Variants in NKAIN3 observed in about 807,000 individuals in gnomAD.
NKAIN3 encodes the protein sodium/potassium transporting ATPase interacting 3, also known as sodium/potassium-transporting ATPase subunit beta-1-interacting protein 3.
NKAIN3 carries 25 observed loss-of-function variants against 30.2 expected under a neutral mutation model. That is an observed-to-expected ratio of 0.83 (90% confidence interval 0.60 to 1.16). The LOEUF (loss-of-function observed/expected upper bound fraction) is 1.16, where lower values mean the gene tolerates loss of function less well. NKAIN3 is among the 50% of genes most tolerant of loss of function. The pLI, the probability that NKAIN3 is intolerant of heterozygous loss-of-function variation, is 0.00. For synonymous variants in NKAIN3, 91 were observed against 89.6 expected (o/e 1.02, Z -0.09); for missense variants, 225 against 254.1 (o/e 0.89, Z 0.78).
chr8:62,905,708 G>A (rs1038911197), intron 4 of NKAIN3, among the ~76,000 whole-genome samples: 9 of 152,062 alleles, frequency 5.9e-5, no homozygotes, highest in Non-Finnish European at 1.2e-4. Flanking sequence ...TAACCAATCA[G>A]AGACCTTTAA....
intron 4 of NKAIN3, among the ~76,000 whole-genome samples, chr8:62,766,290 T>C (rs1816836985): frequency 6.6e-6 from 1 of 152,206 alleles, no homozygotes; most frequent in African/African-American, 2.4e-5. Flanking sequence ...AATGTTATTA[T>C]TAGCTCCATT....
intron 1 of NKAIN3, chr8:62,482,748 G>A (rs16929006): frequency 0.053 from 8,077 of 152,210 alleles, 372 homozygotes; most frequent in East Asian, 0.12. Context: ...TGCAGGGGCC[G>A]GCCGTGCTAG....
At chr8:62,327,216 AC>A (rs1335876454) in intron 1 of NKAIN3, among the ~76,000 whole-genome samples, 56 of 151,962 alleles carry the variant, frequency 3.7e-4, no homozygotes, top group African/African-American at 1.3e-3. Flanking sequence ...TTGGGTATTA[AC>A]CTCTCATCAG....
intron 1 of NKAIN3, among the ~76,000 whole-genome samples, chr8:62,443,742 TA>T (rs1805401412): frequency 6.6e-6 from 1 of 152,142 alleles, no homozygotes; most frequent in Non-Finnish European, 1.5e-5. Context: ...ATTATTTTCT[TA>T]TTTTATAATT....
intron 1 of NKAIN3, among the ~76,000 whole-genome samples, chr8:62,384,645 A>C (rs943999466): frequency 2.0e-5 from 3 of 152,146 alleles, no homozygotes; most frequent in African/African-American, 4.8e-5. Flanking sequence ...TTCAAGAATC[A>C]ATTGTATTTT....
intron 4 of NKAIN3, among the ~76,000 whole-genome samples, chr8:62,883,121 A>T (rs1821037520): frequency 6.6e-6 from 1 of 152,118 alleles, no homozygotes; most frequent in Non-Finnish European, 1.5e-5. Flanking sequence ...TTTGATTGGA[A>T]TTTTGTTGAA....
At chr8:62,571,794 C>T (rs1453307772) in intron 1 of NKAIN3, among the ~76,000 whole-genome samples, 2 of 152,162 alleles carry the variant, frequency 1.3e-5, no homozygotes, top group Admixed American at 1.3e-4. Flanking sequence ...TTGTCCTGAG[C>T]TCTATGTTGG....
chr8:62,536,820 A>G (rs557651745), intron 1 of NKAIN3, among the ~76,000 whole-genome samples: 153 of 152,294 alleles, frequency 1.0e-3, no homozygotes, highest in African/African-American at 3.6e-3. Flanking sequence ...CCAAACTGAA[A>G]TACATTTTTA....
chr8:62,274,766 C>T (rs937207197), intron 1 of NKAIN3, among the ~76,000 whole-genome samples: 1 of 148,078 alleles, frequency 6.8e-6, no homozygotes, highest in African/African-American at 2.5e-5. Context: ...CCACAACAGT[C>T]CCCAGAGTGT....
At chr8:62,285,946 A>G (rs755280791) in intron 1 of NKAIN3, among the ~76,000 whole-genome samples, 16 of 152,192 alleles carry the variant, frequency 1.1e-4, no homozygotes, top group Non-Finnish European at 2.2e-4. Context: ...GTATTTATGT[A>G]TGATGCACCT....
At chr8:62,460,536 T>C (rs71525488) in intron 1 of NKAIN3, among the ~76,000 whole-genome samples, 1 of 152,176 alleles carries the variant, frequency 6.6e-6, no homozygotes, top group Admixed American at 6.6e-5. Context: ...AGCTGAATGT[T>C]GGTAAGAACA....
chr8:62,528,649 G>T (rs1808392621), intron 1 of NKAIN3, among the ~76,000 whole-genome samples: 1 of 151,948 alleles, frequency 6.6e-6, no homozygotes, highest in Non-Finnish European at 1.5e-5. Flanking sequence ...GTGTTCAGAG[G>T]TGAAAAGAAG....
intron 4 of NKAIN3, among the ~76,000 whole-genome samples, chr8:62,878,876 G>T (rs1421583184): frequency 6.6e-6 from 1 of 152,144 alleles, no homozygotes; most frequent in East Asian, 1.9e-4. Flanking sequence ...ATTCCATGGT[G>T]TATATGTGCT....
chr8:62,695,739 T>A (rs191006471), intron 3 of NKAIN3, among the ~76,000 whole-genome samples: 2 of 152,304 alleles, frequency 1.3e-5, no homozygotes, highest in Admixed American at 6.5e-5. Flanking sequence ...TTTTGTACTC[T>A]CCTCAGTTTT....
intron 4 of NKAIN3, among the ~76,000 whole-genome samples, chr8:62,805,253 T>C (rs1447527548): frequency 2.6e-5 from 4 of 151,688 alleles, no homozygotes; most frequent in Non-Finnish European, 5.9e-5. Flanking sequence ...TTCAATGCCA[T>C]CCCCATCAAG....
intron 4 of NKAIN3, among the ~76,000 whole-genome samples, chr8:62,823,542 G>C (rs1400543509): frequency 3.3e-5 from 5 of 152,088 alleles, no homozygotes; most frequent in African/African-American, 1.2e-4. Context: ...ATCATACTAA[G>C]GCCCTCAGAT....
At chr8:62,826,704 A>G (rs1005834232) in intron 4 of NKAIN3, among the ~76,000 whole-genome samples, 1 of 152,210 alleles carries the variant, frequency 6.6e-6, no homozygotes, top group Non-Finnish European at 1.5e-5. Context: ...TAGGGAGAAG[A>G]CAATTACATG....
intron 2 of NKAIN3, among the ~76,000 whole-genome samples, chr8:62,584,723 C>T (rs1463766913): frequency 1.3e-5 from 2 of 152,186 alleles, no homozygotes; most frequent in East Asian, 1.9e-4. Flanking sequence ...TAATAATCCT[C>T]AATTAAATAG....
intron 4 of NKAIN3, among the ~76,000 whole-genome samples, chr8:62,793,121 G>T (rs1817752456): frequency 6.6e-6 from 1 of 151,956 alleles, no homozygotes. Context: ...AAGTGAGTAT[G>T]CCTAACCTGA....
Sources: gnomAD v4.1 joint callset for allele counts (sites outside exome capture counted in the v4.1 genomes callset) on GRCh38, gnomAD v4.1.1 for gene constraint, MANE v1.5 for transcripts, NCBI Gene and HGNC (gene_info 2026-07-23, HGNC 2026-07-21) for gene names.